NRXN1: variants seen among roughly 807,000 people sequenced by gnomAD.
The protein encoded by NRXN1 is neurexin-1.
In NRXN1, 39 loss-of-function variants were observed where a neutral mutation model predicts 150.9. The ratio of observed to expected loss-of-function variants is 0.26; its 90% CI spans 0.20 to 0.34. The LOEUF is 0.34. Ranked by LOEUF, NRXN1 falls within the 10% of genes least tolerant of loss-of-function variation. The pLI is 1.00. For synonymous variants in NRXN1, 924 were observed against 757.0 expected (o/e 1.22, Z -3.62); for missense variants, 1,815 against 1,949.9 (o/e 0.93, Z 1.30).
At chr2:50,612,531 G>A (rs953446845) in intron 8 of NRXN1, among the ~76,000 whole-genome samples, 1 of 152,120 alleles carries the variant, frequency 6.6e-6, no homozygotes, top group African/African-American at 2.4e-5. Flanking sequence ...GTAACTCACT[G>A]GATGTTGTTG....
At chr2:50,225,428 G>T (rs1422115242) in intron 18 of NRXN1, among the ~76,000 whole-genome samples, 4 of 151,924 alleles carry the variant, frequency 2.6e-5, no homozygotes, top group African/African-American at 7.2e-5. Context: ...ACCCTGAAGA[G>T]TTTACAATTT....
intron 5 of NRXN1, among the ~76,000 whole-genome samples, chr2:50,747,158 C>G (rs928525907): frequency 2.0e-5 from 3 of 152,092 alleles, no homozygotes; most frequent in African/African-American, 4.8e-5. Context: ...TCATATACAA[C>G]GGGTCATTTA....
chr2:50,475,763 G>A (rs2089936985), intron 15 of NRXN1, among the ~76,000 whole-genome samples: 1 of 151,906 alleles, frequency 6.6e-6, no homozygotes. Flanking sequence ...TCCCTTGGTG[G>A]GTTGCCACAT....
intron 21 of NRXN1, among the ~76,000 whole-genome samples, chr2:50,008,827 T>C (rs1685178311): frequency 6.6e-6 from 1 of 152,126 alleles, no homozygotes; most frequent in South Asian, 2.1e-4. Flanking sequence ...CAACACGTTT[T>C]AAGTGGAAAG....
chr2:50,664,439 G>GT lies in NRXN1; in HGVS notation c.833-40825_833-40824insA, dbSNP rs56969621. ...TGTGTGTGTGTGTGTGTGTGTGTGT[G>GT]GCGTGGCGGGGGCGGGTGGGTAGAA... On this transcript the variant is annotated intron_variant, in intron 5 of 22. Transcript: ENST00000401669. 3.7e-3 allele frequency among the ~76,000 whole-genome samples: 543 copies of GT among 145,128 alleles called. 2 individuals carry two copies. The highest frequency in any genetic ancestry group is 9.7e-3 in the African/African-American group (378 of 38,992).
chr2:50,559,882 C>T (rs1335950446), intron 8 of NRXN1, among the ~76,000 whole-genome samples: 1 of 152,028 alleles, frequency 6.6e-6, no homozygotes, highest in African/African-American at 2.4e-5. Flanking sequence ...CAAAGATGGT[C>T]CTACTCATTT....
chr2:50,902,182 A>G (rs1025083454), intron 5 of NRXN1, among the ~76,000 whole-genome samples: 3 of 152,202 alleles, frequency 2.0e-5, no homozygotes, highest in Admixed American at 2.0e-4. Context: ...ACTCATCAGC[A>G]TCTAGAAATA....
chr2:50,052,057 C>T (rs1284908045), intron 21 of NRXN1, among the ~76,000 whole-genome samples: 1 of 152,016 alleles, frequency 6.6e-6, no homozygotes, highest in Non-Finnish European at 1.5e-5. Flanking sequence ...CACCCTTTTC[C>T]ATTCAAAGTA....
At chr2:50,173,585 T>A (rs2060159302) in intron 18 of NRXN1, among the ~76,000 whole-genome samples, 1 of 152,184 alleles carries the variant, frequency 6.6e-6, no homozygotes, top group South Asian at 2.1e-4. Flanking sequence ...TTATTTGCCA[T>A]GCCAATTATA....
At chr2:49,990,059 C>T (rs1163000081) in intron 21 of NRXN1, among the ~76,000 whole-genome samples, 1 of 151,442 alleles carries the variant, frequency 6.6e-6, no homozygotes, top group Non-Finnish European at 1.5e-5. Context: ...ACAACAGGGG[C>T]TACTTTTCCC....
intron 8 of NRXN1, among the ~76,000 whole-genome samples, chr2:50,559,556 T>C (rs1473154161): frequency 6.6e-6 from 1 of 152,098 alleles, no homozygotes; most frequent in East Asian, 1.9e-4. Context: ...ATCTTAAACA[T>C]TTGCTAGTGG....
rs1287964303 is a variant in NRXN1, at chr2:49,918,723, GT to G, written c.*3220del. 1.3e-5 allele frequency: 2 copies of G among 152,104 alleles called. No individual in the cohort carries two copies. The highest frequency in any genetic ancestry group is 2.9e-5 in the Non-Finnish European group (2 of 67,974). The allele number at this position is 152,104 out of a possible 1,614,324, so 9.4% of individuals were successfully genotyped here. ...TGAATATAGAGGTCTTTAATGACTA[GT>G]TAAATCCAGAAAAAAGAGAGTCAAC... On this transcript the variant is annotated 3_prime_UTR_variant, in exon 23 of 23. Coordinates refer to ENST00000401669, the MANE Select transcript of NRXN1 (RefSeq NM_001330078.2).
chr2:50,510,506 A>C (rs2092412684), intron 12 of NRXN1, among the ~76,000 whole-genome samples: 1 of 149,472 alleles, frequency 6.7e-6, no homozygotes, highest in African/African-American at 2.4e-5. Flanking sequence ...AAAAAAAAAA[A>C]AAAAAAACCA....
intron 2 of NRXN1, among the ~76,000 whole-genome samples, chr2:50,987,205 G>A (rs1199898069): frequency 1.3e-5 from 2 of 151,738 alleles, no homozygotes; most frequent in South Asian, 4.2e-4. Flanking sequence ...CTACTTATTA[G>A]TAAATAAACA....
At position 50,496,065 on chromosome 2, in the gene NRXN1, A is replaced by G. The variant is rs75282829; in HGVS notation, c.2910T>C (p.Asn970=). 7 of 1,608,956 alleles carry G rather than the reference A, an allele frequency of 4.4e-6. No homozygotes were observed. The East Asian group carries it at 8.9e-5, about 21-fold the overall frequency. The change falls in exon 15 of 23, where the codon AAT becomes AAC. Residue 970 remains asparagine (N), a synonymous_variant. Transcript: ENST00000401669. ...AGCTTCCTTTGATGAGGTTAGCACC[A>G]TTTCCCAAATCAAACACGTAATGTA... The part of the protein sequence containing the change: ...GYLHYVFDLG[N]GANLIKGSSN...
chr2:50,457,669 C>T (rs1278016526), intron 17 of NRXN1, among the ~76,000 whole-genome samples: 1 of 151,826 alleles, frequency 6.6e-6, no homozygotes, highest in Non-Finnish European at 1.5e-5. Flanking sequence ...AGACATTCCT[C>T]AAAAGAAGAC....
intron 8 of NRXN1, among the ~76,000 whole-genome samples, chr2:50,610,122 T>G (rs1677785499): frequency 6.6e-6 from 1 of 152,108 alleles, no homozygotes; most frequent in African/African-American, 2.4e-5. Context: ...GATCCAAAGA[T>G]CTAAAGACAA....
At chr2:50,882,016 A>C (rs573126413) in intron 5 of NRXN1, among the ~76,000 whole-genome samples, 1 of 151,866 alleles carries the variant, frequency 6.6e-6, no homozygotes, top group Non-Finnish European at 1.5e-5. Flanking sequence ...CATATGCTCA[A>C]ATTTTTGTTC....
intron 17 of NRXN1, among the ~76,000 whole-genome samples, chr2:50,424,079 G>C (rs907078339): frequency 4.7e-5 from 7 of 147,770 alleles, no homozygotes; most frequent in African/African-American, 2.5e-5. Flanking sequence ...TTCTGAGCAA[G>C]AGAGCACCAT....
Sources: allele counts gnomAD v4.1 joint callset (sites outside exome capture counted in the v4.1 genomes callset), GRCh38; gene constraint gnomAD v4.1.1; transcripts MANE v1.5; gene names NCBI Gene and HGNC (gene_info 2026-07-23, HGNC 2026-07-21).